The following H2AC21 variants were observed in gnomAD, a reference collection of about 807,000 sequenced individuals.
H2AC21 encodes histone H2A type 2-B.
Under a neutral mutation model 7.7 loss-of-function variants are expected in H2AC21, and 3 were observed. The observed-to-expected ratio is 0.39, with a 90% CI of 0.18 to 1.01. The LOEUF (loss-of-function observed/expected upper bound fraction) is 1.01. Ranked by LOEUF, H2AC21 falls within the 50% of genes least tolerant of loss-of-function variation. H2AC21 has a pLI of 0.36. For synonymous variants in H2AC21, 119 were observed against 84.2 expected, an observed-to-expected ratio of 1.41 and a Z score of -2.26; for missense variants, 173 against 177.9, an observed-to-expected ratio of 0.97 and a Z score of 0.16.
chr1:149,887,732 T>C lies in H2AC21; in HGVS notation c.185A>G (p.Glu62Gly). 6.2e-7 allele frequency: 1 copy of C among 1,614,234 alleles called. No individual in the cohort carries two copies. The highest frequency in any genetic ancestry group is 8.5e-7 in the Non-Finnish European group (1 of 1,180,032). ...LAAVLEYLTAEILELAGNAAR... is the reference protein window; with the variant it reads ...LAAVLEYLTAGILELAGNAAR... ...CGCGTTGCCCGCCAGCTCCAGAATT[T>C]CCGCGGTCAGGTACTCGAGGACCGC... The change falls in exon 1 of 1, where the codon GAA becomes GGA. Residue 62 changes from glutamate (E) to glycine (G), a missense_variant. Coordinates refer to ENST00000331128, the MANE Select transcript of H2AC21 (RefSeq NM_175065.3).
rs2101583157 is a variant in H2AC21, at chr1:149,887,561, T to C, written c.356A>G (p.Lys119Arg). The C allele has an allele frequency of 1.2e-6, 2 of 1,613,962 alleles. No homozygotes were observed. The highest frequency in any genetic ancestry group is 2.2e-5 in the South Asian group (2 of 91,080). ...GCCAGGCTTGTGACTCTCCGTTTTC[T>C]TGGGCAACAGGACAGCCTGGATATT... ...LPNIQAVLLP[K>R]KTESHKPGKN... The change falls in exon 1 of 1, where the codon AAG (lysine) becomes AGG (arginine). Residue 119 changes from lysine (K) to arginine (R), a missense_variant. Physicochemically the swap from Lys to Arg is conservative, Grantham distance 26. Transcript: ENST00000331128.
rs1553760099 is a variant in H2AC21, at chr1:149,887,676, G to T, written c.241C>A (p.Pro81Thr). 6 of 1,614,218 alleles carry T rather than the reference G, an allele frequency of 3.7e-6. No individual in the cohort carries two copies. Among genetic ancestry groups the T allele is most frequent in the Non-Finnish European group, 8.5e-7 (1 of 1,180,050 alleles). Residue 81 changes from proline (P) to threonine (T), a missense_variant, in exon 1 of 1, where the codon CCT (proline) becomes ACT (threonine). Coordinates refer to ENST00000331128, the MANE Select transcript of H2AC21 (RefSeq NM_175065.3). ...CTCACGGCTAGTTGCAGATGGCGAG[G>T]GATGATGCGCGTCTTCTTGTTGTCC... Reference protein sequence around the residue: ...ARDNKKTRIIPRHLQLAVRND... With the variant: ...ARDNKKTRIITRHLQLAVRND...
In H2AC21 at chr1:149,887,828, C is replaced by G; in HGVS notation, c.89G>C (p.Arg30Pro). The stretch of plus-strand genomic sequence containing the variant: ...GCCTTTGCGCAGCAAGCGGTGCACT[C>G]GCCCCACCGGGAACTGGAGACCAGC... ...SRAGLQFPVG[R>P]VHRLLRKGNY... The change falls in exon 1 of 1, where the codon CGA becomes CCA. Residue 30 changes from arginine to proline, a missense_variant. Transcript: ENST00000331128. 1 of 1,613,980 alleles carries G rather than the reference C, an allele frequency of 6.2e-7. No individual in the cohort carries two copies. Among genetic ancestry groups the G allele is most frequent in the East Asian group, 2.2e-5 (1 of 44,872 alleles).
rs782134843 is a variant in H2AC21, at chr1:149,887,523, ATTAC to A, written c.390_393del (p.Lys130AsnfsTer2). On this transcript the variant is annotated frameshift_variant and stop_lost, in exon 1 of 1. Transcript: ENST00000331128. LOFTEE classifies it high-confidence loss of function. ...AATGAGTATGGTGTCAAGCCTCTTA[ATTAC>A]TTGTTCTTGCCAGGCTTGTGACTCT... 1 of 1,608,858 alleles carries A rather than the reference ATTAC, an allele frequency of 6.2e-7. No individual in the cohort carries two copies. The highest frequency in any genetic ancestry group is 2.2e-5 in the East Asian group (1 of 44,748).
Position 149,887,636 on chromosome 1 carries a change from A to T in H2AC21, c.281T>A (p.Leu94His), listed in dbSNP as rs1553760093. 1 of 1,614,152 alleles carries T rather than the reference A, an allele frequency of 6.2e-7. No homozygotes were observed. Among genetic ancestry groups the T allele is most frequent in the African/African-American group, 1.3e-5 (1 of 75,040 alleles). The change falls in exon 1 of 1, where the codon CTC (leucine) becomes CAC (histidine). Residue 94 changes from leucine to histidine, a missense_variant. Physicochemically the swap from Leu to His is moderately conservative, Grantham distance 99. Transcript: ENST00000331128. ...GGTGACACCCCCGAGTAACTTGTTG[A>T]GCTCTTCGTCATTCCTCACGGCTAG... is the stretch of plus-strand genomic sequence containing the variant. ...LQLAVRNDEELNKLLGGVTIA... is the reference protein window; with the variant it reads ...LQLAVRNDEEHNKLLGGVTIA...
chr1:149,887,814 G>C lies in H2AC21; in HGVS notation c.103C>G (p.Leu35Val), dbSNP rs782290676. Residue 35 changes from leucine (L) to valine (V), a missense_variant, in exon 1 of 1, where the codon CTG (leucine) becomes GTG (valine). Coordinates refer to ENST00000331128, the MANE Select transcript of H2AC21 (RefSeq NM_175065.3). ...QFPVGRVHRLLRKGNYAERVG... is the reference protein window; with the variant it reads ...QFPVGRVHRLVRKGNYAERVG... ...CGCTCCGCGTAGTTGCCTTTGCGCA[G>C]CAAGCGGTGCACTCGCCCCACCGGG... 1 of 1,613,996 alleles carries C rather than the reference G, an allele frequency of 6.2e-7. No individual in the cohort carries two copies.
Position 149,887,781 on chromosome 1 carries a change from C to G in H2AC21, c.136G>C (p.Ala46Pro), listed in dbSNP as rs2092317375. Residue 46 changes from alanine (A) to proline (P), a missense_variant, in exon 1 of 1, where the codon GCA (alanine) becomes CCA (proline). Coordinates refer to ENST00000331128, the MANE Select transcript of H2AC21 (RefSeq NM_175065.3). Reference protein sequence around the residue: ...RKGNYAERVGAGAPVYLAAVL... With the variant: ...RKGNYAERVGPGAPVYLAAVL... ...GCCGCCAGGTACACCGGGGCGCCTG[C>G]CCCGACCCGCTCCGCGTAGTTGCCT... is the stretch of plus-strand genomic sequence containing the variant. 6.2e-7 allele frequency: 1 copy of G among 1,613,994 alleles called. No homozygotes were observed. Among genetic ancestry groups the G allele is most frequent in the Non-Finnish European group, 8.5e-7 (1 of 1,180,010 alleles).
Position 149,887,770 on chromosome 1 carries a change from C to T in H2AC21, c.147G>A (p.Pro49=), listed in dbSNP as rs782027953. Residue 49 remains proline (P), a synonymous_variant, in exon 1 of 1, where the codon CCG becomes CCA. Coordinates refer to ENST00000331128, the MANE Select transcript of H2AC21 (RefSeq NM_175065.3). ...NYAERVGAGA[P]VYLAAVLEYL... is the part of the protein sequence containing the mutation. ...ACTCGAGGACCGCCGCCAGGTACAC[C>T]GGGGCGCCTGCCCCGACCCGCTCCG... The T allele has an allele frequency of 1.5e-5, 24 of 1,614,010 alleles. No homozygotes were observed. The highest frequency in any genetic ancestry group is 8.9e-5 in the East Asian group (4 of 44,894).
rs2092319286 is a variant in H2AC21 at position 149,887,929 on chromosome 1, T to G, written c.-13A>C. On this transcript the variant is annotated 5_prime_UTR_variant, in exon 1 of 1. Coordinates refer to ENST00000331128, the MANE Select transcript of H2AC21 (RefSeq NM_175065.3). ...CGCGTCCTGACATTACGGCTAAAATTGCAGTTACAGCTTCTTTTACAAGGA... is the reference window on the plus strand; with the variant it reads ...CGCGTCCTGACATTACGGCTAAAATGGCAGTTACAGCTTCTTTTACAAGGA... The G allele has an allele frequency of 6.2e-7, 1 of 1,603,176 alleles. No individual in the cohort carries two copies. The highest frequency in any genetic ancestry group is 1.3e-5 in the African/African-American group (1 of 74,630).
chr1:149,887,912 G>A lies in H2AC21; in HGVS notation c.5C>T (p.Ser2Leu). 1 of 1,610,088 alleles carries A rather than the reference G, an allele frequency of 6.2e-7. No individual in the cohort carries two copies. Among genetic ancestry groups the A allele is most frequent in the Admixed American group, 1.7e-5 (1 of 59,178 alleles). The change falls in exon 1 of 1, where the codon TCA becomes TTA. Residue 2 changes from serine (S) to leucine (L), a missense_variant. Transcript: ENST00000331128. ...CTTGCCTCCCTGCTTTCCGCGTCCT[G>A]ACATTACGGCTAAAATTGCAGTTAC... is the stretch of plus-strand genomic sequence containing the variant. M[S>L]GRGKQGGKAR...
rs1553760034 is a variant in H2AC21, at chr1:149,887,519, C to T, written c.*5G>A. On this transcript the variant is annotated 3_prime_UTR_variant, in exon 1 of 1. Transcript: ENST00000331128. ...GGTGAATGAGTATGGTGTCAAGCCT[C>T]TTAATTACTTGTTCTTGCCAGGCTT... The T allele has an allele frequency of 1.9e-6, 3 of 1,608,318 alleles. No individual in the cohort carries two copies. Among genetic ancestry groups the T allele is most frequent in the Admixed American group, 3.4e-5 (2 of 59,520 alleles).
chr1:149,887,866 C>T lies in H2AC21; in HGVS notation c.51G>A (p.Ser17=), dbSNP rs782515115. The T allele has an allele frequency of 4.3e-6, 7 of 1,613,742 alleles. No homozygotes were observed. The highest frequency in any genetic ancestry group is 2.7e-5 in the African/African-American group (2 of 74,944). ...QGGKARAKAK[S]RSSRAGLQFP... ...ACTGGAGACCAGCGCGGGACGAGCG[C>T]GACTTGGCCTTAGCGCGGGCCTTGC... is the stretch of plus-strand genomic sequence containing the variant. Residue 17 remains serine (S), a synonymous_variant, in exon 1 of 1, where the codon TCG becomes TCA. Transcript: ENST00000331128.
rs200774928 is a variant in H2AC21 at position 149,887,780 on chromosome 1, G to A, written c.137C>T (p.Ala46Val). The change falls in exon 1 of 1, where the codon GCA (alanine) becomes GTA (valine). Residue 46 changes from alanine to valine, a missense_variant. By Grantham distance (64) the Ala-to-Val change is moderately conservative. Coordinates refer to ENST00000331128, the MANE Select transcript of H2AC21 (RefSeq NM_175065.3). ...CGCCGCCAGGTACACCGGGGCGCCTGCCCCGACCCGCTCCGCGTAGTTGCC... is the reference window on the plus strand; with the variant it reads ...CGCCGCCAGGTACACCGGGGCGCCTACCCCGACCCGCTCCGCGTAGTTGCC... The part of the protein sequence containing the change: ...RKGNYAERVG[A>V]GAPVYLAAVL... 6.2e-7 allele frequency: 1 copy of A among 1,614,088 alleles called. No individual in the cohort carries two copies. Among genetic ancestry groups the A allele is most frequent in the East Asian group, 2.2e-5 (1 of 44,882 alleles).
At position 149,887,730 on chromosome 1, in the gene H2AC21, T is replaced by C. The variant is rs1559775930; in HGVS notation, c.187A>G (p.Ile63Val). The C allele has an allele frequency of 3.7e-6, 6 of 1,614,114 alleles. No individual in the cohort carries two copies. In the East Asian group the frequency reaches 8.9e-5, roughly 24 times the overall value. ...GCCGCGTTGCCCGCCAGCTCCAGAA[T>C]TTCCGCGGTCAGGTACTCGAGGACC... is the stretch of plus-strand genomic sequence containing the variant. Reference protein sequence around the residue: ...AAVLEYLTAEILELAGNAARD... With the variant: ...AAVLEYLTAEVLELAGNAARD... Residue 63 changes from isoleucine to valine, a missense_variant, in exon 1 of 1, where the codon ATT becomes GTT. Coordinates refer to ENST00000331128, the MANE Select transcript of H2AC21 (RefSeq NM_175065.3).
In H2AC21 at chr1:149,887,933, G is replaced by A. The variant is rs782215805; in HGVS notation, c.-17C>T. The stretch of plus-strand genomic sequence containing the variant: ...TCCTGACATTACGGCTAAAATTGCA[G>A]TTACAGCTTCTTTTACAAGGAGAAG... On this transcript the variant is annotated 5_prime_UTR_variant, in exon 1 of 1. Transcript: ENST00000331128. The A allele has an allele frequency of 1.3e-6, 2 of 1,599,044 alleles. No homozygotes were observed. The highest frequency in any genetic ancestry group is 2.2e-5 in the East Asian group (1 of 44,738).
rs1553760137 is a variant in H2AC21 at position 149,887,777 on chromosome 1, C to T, written c.140G>A (p.Gly47Asp). ...KGNYAERVGA[G>D]APVYLAAVLE... ...GACCGCCGCCAGGTACACCGGGGCG[C>T]CTGCCCCGACCCGCTCCGCGTAGTT... The change falls in exon 1 of 1, where the codon GGC (glycine) becomes GAC (aspartate). Residue 47 changes from glycine (G) to aspartate (D), a missense_variant. Physicochemically the swap from Gly to Asp is moderately conservative, Grantham distance 94. Coordinates refer to ENST00000331128, the MANE Select transcript of H2AC21 (RefSeq NM_175065.3). 6.2e-7 allele frequency: 1 copy of T among 1,614,132 alleles called. No homozygotes were observed. The highest frequency in any genetic ancestry group is 2.2e-5 in the East Asian group (1 of 44,886).
chr1:149,887,792 T>G lies in H2AC21; in HGVS notation c.125A>C (p.Glu42Ala). ...CACCGGGGCGCCTGCCCCGACCCGC[T>G]CCGCGTAGTTGCCTTTGCGCAGCAA... ...HRLLRKGNYA[E>A]RVGAGAPVYL... The change falls in exon 1 of 1, where the codon GAG becomes GCG. Residue 42 changes from glutamate (E) to alanine (A), a missense_variant. Coordinates refer to ENST00000331128, the MANE Select transcript of H2AC21 (RefSeq NM_175065.3). 6.2e-7 allele frequency: 1 copy of G among 1,614,026 alleles called. No individual in the cohort carries two copies. The highest frequency in any genetic ancestry group is 1.7e-4 in the Middle Eastern group (1 of 6,056).
Position 149,887,746 on chromosome 1 carries a change from C to T in H2AC21, c.171G>A (p.Glu57=). 1.2e-6 allele frequency: 2 copies of T among 1,614,192 alleles called. No homozygotes were observed. The highest frequency in any genetic ancestry group is 8.5e-7 in the Non-Finnish European group (1 of 1,180,010). The stretch of plus-strand genomic sequence containing the variant: ...GCTCCAGAATTTCCGCGGTCAGGTA[C>T]TCGAGGACCGCCGCCAGGTACACCG... ...GAPVYLAAVL[E]YLTAEILELA... The change falls in exon 1 of 1, where the codon GAG becomes GAA. Residue 57 remains glutamate, a synonymous_variant. Coordinates refer to ENST00000331128, the MANE Select transcript of H2AC21 (RefSeq NM_175065.3).
rs1553760049 is a variant in H2AC21, at chr1:149,887,538, C to T, written c.379G>A (p.Gly127Ser). Residue 127 changes from glycine (G) to serine (S), a missense_variant, in exon 1 of 1, where the codon GGC becomes AGC. Physicochemically the swap from Gly to Ser is moderately conservative, Grantham distance 56. Transcript: ENST00000331128. Reference protein sequence around the residue: ...LPKKTESHKPGKNK With the variant: ...LPKKTESHKPSKNK ...AAGCCTCTTAATTACTTGTTCTTGCCAGGCTTGTGACTCTCCGTTTTCTTG... is the reference window on the plus strand; with the variant it reads ...AAGCCTCTTAATTACTTGTTCTTGCTAGGCTTGTGACTCTCCGTTTTCTTG... The T allele has an allele frequency of 6.2e-7, 1 of 1,610,990 alleles. No homozygotes were observed. Among genetic ancestry groups the T allele is most frequent in the Non-Finnish European group, 8.5e-7 (1 of 1,178,304 alleles).
Sources: allele counts gnomAD v4.1 joint callset, GRCh38; gene constraint gnomAD v4.1.1; transcripts MANE v1.5; gene names NCBI Gene and HGNC (gene_info 2026-07-23, HGNC 2026-07-21).